FSTL5: variants seen among roughly 807,000 people sequenced by gnomAD.
FSTL5 encodes the protein follistatin-related protein 5.
FSTL5 carries 62 observed loss-of-function variants against 89.1 expected under a neutral mutation model. The ratio of observed to expected loss-of-function variants is 0.70; its 90% CI spans 0.57 to 0.86. The LOEUF (loss-of-function observed/expected upper bound fraction) is 0.86. Ranked by LOEUF, FSTL5 falls within the 40% of genes least tolerant of loss-of-function variation. FSTL5 has a pLI of 0.00. For missense variants in FSTL5, 1,057 were observed against 1,001.6 expected (o/e 1.06, Z -0.75); for synonymous variants, 383 against 346.2 (o/e 1.11, Z -1.18).
At chr4:162,162,336 G>A (rs1441611756) in intron 1 of FSTL5, among the ~76,000 whole-genome samples, 2 of 152,012 alleles carry the variant, frequency 1.3e-5, no homozygotes, top group African/African-American at 2.4e-5. Context: ...GCTCTATTCA[G>A]TTGAATAATA....
chr4:161,873,439 T>C (rs1367258841), intron 4 of FSTL5, among the ~76,000 whole-genome samples: 1 of 151,690 alleles, frequency 6.6e-6, no homozygotes, highest in African/African-American at 2.4e-5. Context: ...AAATATAAAA[T>C]TATTGCAATA....
chr4:161,631,068 AT>A (rs1285641495), intron 7 of FSTL5, among the ~76,000 whole-genome samples: 2 of 152,174 alleles, frequency 1.3e-5, no homozygotes, highest in Admixed American at 1.3e-4. Flanking sequence ...TGTACCTGGC[AT>A]TTTTTTGTAT....
intron 1 of FSTL5, among the ~76,000 whole-genome samples, chr4:162,150,728 C>T (rs558705788): frequency 2.0e-5 from 3 of 152,204 alleles, no homozygotes; most frequent in East Asian, 1.9e-4. Context: ...ATGTAATCAT[C>T]ATGGAAAATA....
intron 6 of FSTL5, among the ~76,000 whole-genome samples, chr4:161,714,342 TTTTG>T (rs1490523264): frequency 6.6e-6 from 1 of 152,160 alleles, no homozygotes. Context: ...GTATCATGAG[TTTTG>T]TTTGTTTCGG....
At chr4:161,876,775 T>C (rs555296618) in intron 4 of FSTL5, among the ~76,000 whole-genome samples, 61 of 152,156 alleles carry the variant, frequency 4.0e-4, no homozygotes, top group Admixed American at 9.8e-4. Context: ...GGTTTTATTT[T>C]ATTTAATTTT....
At chr4:161,898,802 T>A (rs1733256356) in intron 4 of FSTL5, among the ~76,000 whole-genome samples, 1 of 151,946 alleles carries the variant, frequency 6.6e-6, no homozygotes, top group Non-Finnish European at 1.5e-5. Flanking sequence ...GCTAATTTTT[T>A]GTATTTTTAG....
In FSTL5 at chr4:162,097,739, A is replaced by G. The variant is rs1306566999; in HGVS notation, c.126+13532T>C. Among the ~76,000 whole-genome samples the G allele has an allele frequency of 4.6e-5, 7 of 152,060 alleles. No individual in the cohort carries two copies. In the East Asian group the frequency reaches 1.3e-3, roughly 29 times the overall value. ...AAAAGCTCAAAGTCACTAGTTAACAAGAAAATTAAATTAAAACTACAATGG... is the reference window on the plus strand; with the variant it reads ...AAAAGCTCAAAGTCACTAGTTAACAGGAAAATTAAATTAAAACTACAATGG... On this transcript the variant is annotated intron_variant, in intron 2 of 15. Coordinates refer to ENST00000306100, the MANE Select transcript of FSTL5 (RefSeq NM_020116.5).
chr4:162,113,321 C>A (rs910588816), intron 1 of FSTL5, among the ~76,000 whole-genome samples: 1 of 146,898 alleles, frequency 6.8e-6, no homozygotes, highest in Admixed American at 6.9e-5. Flanking sequence ...ATCATTAATT[C>A]TTTTATATCT....
At chr4:161,786,841 C>G (rs575854443) in intron 4 of FSTL5, among the ~76,000 whole-genome samples, 3 of 152,090 alleles carry the variant, frequency 2.0e-5, no homozygotes. Context: ...AACCTATCTG[C>G]CAATGTCCAT....
At chr4:162,075,796 C>G (rs1729815009) in intron 2 of FSTL5, among the ~76,000 whole-genome samples, 1 of 151,812 alleles carries the variant, frequency 6.6e-6, no homozygotes, top group African/African-American at 2.4e-5. Context: ...GGGACAGCCA[C>G]AAGTGGTGAT....
chr4:162,153,116 G>A (rs1365136286), intron 1 of FSTL5, among the ~76,000 whole-genome samples: 1 of 152,068 alleles, frequency 6.6e-6, no homozygotes, highest in Admixed American at 6.6e-5. Flanking sequence ...TTTGTGAGTA[G>A]ATGTTCAGTA....
At chr4:161,409,539 A>G (rs1249197330) in intron 15 of FSTL5, among the ~76,000 whole-genome samples, 4 of 151,934 alleles carry the variant, frequency 2.6e-5, no homozygotes, top group Admixed American at 6.6e-5. Flanking sequence ...GTGCCACCAC[A>G]TGAGGCTAAT....
intron 1 of FSTL5, among the ~76,000 whole-genome samples, chr4:162,129,233 G>A (rs903506461): frequency 1.7e-4 from 26 of 152,172 alleles, no homozygotes; most frequent in Admixed American, 2.6e-4. Context: ...GCGCCTGGCC[G>A]AGACTTTCTA....
At chr4:162,126,360 C>G (rs1732081000) in intron 1 of FSTL5, among the ~76,000 whole-genome samples, 1 of 152,038 alleles carries the variant, frequency 6.6e-6, no homozygotes, top group African/African-American at 2.4e-5. Flanking sequence ...AATTCTAGAA[C>G]TTTCTCCCAA....
At chr4:161,886,114 C>T (rs912447091) in intron 4 of FSTL5, among the ~76,000 whole-genome samples, 2 of 152,062 alleles carry the variant, frequency 1.3e-5, no homozygotes, top group African/African-American at 2.4e-5. Flanking sequence ...CTATTGAATT[C>T]CTCCCTACAC....
intron 3 of FSTL5, among the ~76,000 whole-genome samples, chr4:162,031,840 A>T (rs1201880702): frequency 6.6e-6 from 1 of 152,172 alleles, no homozygotes; most frequent in Admixed American, 6.5e-5. Context: ...TGGGAGGTTG[A>T]AGCAGGAGAA....
intron 3 of FSTL5, among the ~76,000 whole-genome samples, chr4:161,997,845 C>G (rs1050631470): frequency 1.3e-5 from 2 of 151,876 alleles, no homozygotes; most frequent in African/African-American, 4.8e-5. Flanking sequence ...ACCTCGTGAT[C>G]CGCCCACCTC....
At chr4:161,433,213 A>C (rs756796215) in intron 15 of FSTL5, among the ~76,000 whole-genome samples, 1 of 149,992 alleles carries the variant, frequency 6.7e-6, no homozygotes, top group Non-Finnish European at 1.5e-5. Context: ...TAATAAATTT[A>C]AAAGTTATTC....
chr4:161,774,723 G>A (rs1741343014), intron 5 of FSTL5, among the ~76,000 whole-genome samples: 1 of 151,768 alleles, frequency 6.6e-6, no homozygotes, highest in South Asian at 2.1e-4. Flanking sequence ...GGCACACATA[G>A]ATAAAAGTGC....
Sources: allele counts gnomAD v4.1 joint callset (sites outside exome capture counted in the v4.1 genomes callset), GRCh38; gene constraint gnomAD v4.1.1; transcripts MANE v1.5; gene names NCBI Gene and HGNC (gene_info 2026-07-23, HGNC 2026-07-21).